PLEKHG4B: variants seen among roughly 807,000 people sequenced by gnomAD.
The protein encoded by PLEKHG4B is pleckstrin homology and RhoGEF domain containing G4B.
A neutral mutation model predicts 121.3 loss-of-function variants in PLEKHG4B; 111 were observed. That is an observed-to-expected ratio of 0.92 (90% CI 0.78 to 1.07). The LOEUF is 1.07. PLEKHG4B is among the 50% of genes least tolerant of loss of function. The probability of loss-of-function intolerance (pLI) is 0.00; values close to 1 mark genes in which losing one functional copy is unlikely to be tolerated. For synonymous variants in PLEKHG4B, 738 were observed against 725.0 expected (o/e 1.02, Z -0.29); for missense variants, 1,831 against 1,757.8 (o/e 1.04, Z -0.74).
intron 13 of PLEKHG4B, among the ~76,000 whole-genome samples, chr5:165,667 G>T (rs1579316126): frequency 2.4e-5 from 1 of 42,400 alleles, no homozygotes; most frequent in South Asian, 1.0e-3. Flanking sequence ...CTAATGCTCT[G>T]ACGGGGCGGG....
intron 7 of PLEKHG4B, among the ~76,000 whole-genome samples, chr5:153,494 A>G (rs6884461): frequency 0.07 from 10,669 of 152,132 alleles, 643 homozygotes; most frequent in African/African-American, 0.17. Flanking sequence ...GTCTTCCCCC[A>G]TGTATGCACG....
At position 162,968 on chromosome 5, in the gene PLEKHG4B, AG is replaced by A; in HGVS notation, c.2897del (p.Ser966ThrfsTer19). The A allele has an allele frequency of 7.0e-6, 11 of 1,564,482 alleles. No individual in the cohort carries two copies. The highest frequency in any genetic ancestry group is 9.5e-6 in the Non-Finnish European group (11 of 1,154,952). On this transcript the variant is annotated frameshift_variant, in exon 13 of 20. Coordinates refer to ENST00000637938, the MANE Select transcript of PLEKHG4B (RefSeq NM_052909.5). LOFTEE classifies it high-confidence loss of function. The stretch of plus-strand genomic sequence containing the variant: ...CCTTTCTGAGGCTGCCCCAGACCCC[AG>A]CTTACCGCCCCTTGCCCAGAGCCCC... ...EALSEAAPDP[S>X]LPPLAQSPPK...
At chr5:96,502 G>A in intron 1 of PLEKHG4B, among the ~76,000 whole-genome samples, 1 of 152,264 alleles carries the variant, frequency 6.6e-6, no homozygotes, top group South Asian at 2.1e-4. Context: ...ATATTTTAAA[G>A]AAGTGTTTTG....
rs1199679235 is a variant in PLEKHG4B, at chr5:139,076, C to T, written c.244-407C>T. ...CGGGAGTGCAGAGGAGGGAGCCCCC[C>T]ATAGGGTGGCCCTGACCAGGGCTGG... On this transcript the variant is annotated intron_variant, in intron 2 of 19. Transcript: ENST00000637938. This position sits in a 1 kb window ranked among gnomAD's most constrained non-coding sequence, Gnocchi z 5.0. 6.6e-6 allele frequency among the ~76,000 whole-genome samples: 1 copy of T among 152,214 alleles called. No individual in the cohort carries two copies. Among genetic ancestry groups the T allele is most frequent in the Non-Finnish European group, 1.5e-5 (1 of 68,034 alleles).
chr5:152,205 C>CT (rs770422898), intron 7 of PLEKHG4B, among the ~76,000 whole-genome samples: 1,699 of 140,732 alleles, frequency 0.012, 29 homozygotes, highest in African/African-American at 0.039. Flanking sequence ...TTCTTTCTGT[C>CT]TTTTTTTTTT....
chr5:117,815 T>C (rs887368929), intron 2 of PLEKHG4B, among the ~76,000 whole-genome samples: 3 of 152,116 alleles, frequency 2.0e-5, no homozygotes, highest in African/African-American at 7.2e-5. Context: ...ATTGTGCCAC[T>C]ACACTCCATC....
At chr5:138,884 T>C (rs1200717395) in intron 2 of PLEKHG4B, among the ~76,000 whole-genome samples, 4 of 152,234 alleles carry the variant, frequency 2.6e-5, no homozygotes, top group Non-Finnish European at 2.9e-5. Flanking sequence ...TGAAATCACA[T>C]TGGGTGAAAA....
rs1735010837 is a variant in PLEKHG4B, at chr5:137,281, A to G, written c.244-2202A>G. ...GCAGGGGAATGGTGAGCTGGTGTTT[A>G]ATGGGTTCACCGTTTCAGTTTGGGA... On this transcript the variant is annotated intron_variant, in intron 2 of 19. Transcript: ENST00000637938. This position sits in a 1 kb window ranked among gnomAD's most constrained non-coding sequence, Gnocchi z 4.2. 6.6e-6 allele frequency among the ~76,000 whole-genome samples: 1 copy of G among 152,184 alleles called. No homozygotes were observed. The highest frequency in any genetic ancestry group is 2.1e-4 in the South Asian group (1 of 4,828).
In PLEKHG4B at chr5:188,937, G is replaced by C. The variant is rs901534789; in HGVS notation, c.*6614G>C. On this transcript the variant is annotated 3_prime_UTR_variant, in exon 20 of 20. Transcript: ENST00000637938. ...AGGGGCCAGCGGGTCCTAGGGAGAG[G>C]CCCGTGCGACGTGAGTAACAGCAGT... The C allele has an allele frequency of 1.2e-4, 19 of 152,278 alleles. No individual in the cohort carries two copies. The highest frequency in any genetic ancestry group is 9.2e-4 in the Admixed American group (14 of 15,294). The allele number at this position is 152,278 out of a possible 1,614,324, so 9.4% of individuals were successfully genotyped here. A position where few individuals can be genotyped will look rare whatever the true frequency, so the allele number is the denominator to read the frequency against.
Position 162,760 on chromosome 5 carries a change from T to C in PLEKHG4B, c.2688T>C (p.Cys896=), listed in dbSNP as rs375277161. ...TGGGGCCCCTGGACCCGGAGGCTTG[T>C]CCCTCCTCACCCGTGGCTGAGTGTT... is the stretch of plus-strand genomic sequence containing the variant. ...SWMGPLDPEA[C]PSSPVAECLR... is the part of the protein sequence containing the mutation. Residue 896 remains cysteine, a synonymous_variant, in exon 13 of 20, where the codon TGT becomes TGC. Coordinates refer to ENST00000637938, the MANE Select transcript of PLEKHG4B (RefSeq NM_052909.5). 4 of 1,469,416 alleles carry C rather than the reference T, an allele frequency of 2.7e-6. No individual in the cohort carries two copies. The highest frequency in any genetic ancestry group is 3.6e-6 in the Non-Finnish European group (4 of 1,110,194). 91.0% of individuals were successfully genotyped at this position (1,469,416 alleles called of 1,614,324 possible).
At chr5:174,956 C>T (rs4956989) in intron 18 of PLEKHG4B, among the ~76,000 whole-genome samples, 85,757 of 151,812 alleles carry the variant, frequency 0.56, 25,754 homozygotes, top group Non-Finnish European at 0.68. Context: ...ATTTTCTTCC[C>T]CATGGGCACC....
rs764802862 is a variant in PLEKHG4B at position 143,237 on chromosome 5, C to T, written c.1668C>T (p.Ser556=). Residue 556 remains serine (S), a synonymous_variant, in exon 4 of 20, where the codon TCC becomes TCT. Transcript: ENST00000637938. The stretch of plus-strand genomic sequence containing the variant: ...ACGTCAGTCAGGAGCTGCTGCAGTC[C>T]GGGGTCGTCACCCTCCCAGGTGAGA... The part of the protein sequence containing the change: ...VLDVSQELLQ[S]GVVTLPGTRD... 12 of 1,610,208 alleles carry T rather than the reference C, an allele frequency of 7.5e-6. No homozygotes were observed. Among genetic ancestry groups the T allele is most frequent in the Admixed American group, 1.7e-5 (1 of 60,000 alleles).
intron 13 of PLEKHG4B, among the ~76,000 whole-genome samples, chr5:167,234 A>G (rs73016626): frequency 1.3e-5 from 2 of 152,358 alleles, no homozygotes; most frequent in African/African-American, 4.8e-5. Context: ...TGTGAGGGCC[A>G]GTTCCTGACC....
intron 2 of PLEKHG4B, among the ~76,000 whole-genome samples, chr5:118,738 A>G (rs2126364848): frequency 6.6e-6 from 1 of 152,182 alleles, no homozygotes; most frequent in Admixed American, 6.5e-5. Context: ...TAGGGTAATA[A>G]TACCTCTCAG....
rs1304166041 is a variant in PLEKHG4B at position 157,628 on chromosome 5, C to T, written c.2487+717C>T. Among the ~76,000 whole-genome samples, 1 of 152,164 alleles carries T rather than the reference C, an allele frequency of 6.6e-6. No homozygotes were observed. The highest frequency in any genetic ancestry group is 1.5e-5 in the Non-Finnish European group (1 of 68,032). Reference sequence around the variant, plus strand: ...TCGGGGGGCACCAGCGAAATGATTGCTTAGCTCAGGGGTGCAGATGATGCT... The same window carrying T: ...TCGGGGGGCACCAGCGAAATGATTGTTTAGCTCAGGGGTGCAGATGATGCT... On this transcript the variant is annotated intron_variant, in intron 11 of 19. Transcript: ENST00000637938. This position sits in a 1 kb window ranked among gnomAD's most constrained non-coding sequence, Gnocchi z 4.6.
chr5:114,258 C>CGA (rs1451949017), intron 2 of PLEKHG4B, among the ~76,000 whole-genome samples: 25 of 152,258 alleles, frequency 1.6e-4, no homozygotes, highest in African/African-American at 6.0e-4. Flanking sequence ...TCCACATTGA[C>CGA]TCTTCCTTTT....
intron 16 of PLEKHG4B, 91 bp from the exon 17 acceptor site, chr5:172,806 G>C (rs1435422495): frequency 7.0e-7 from 1 of 1,429,682 alleles, no homozygotes; most frequent in Non-Finnish European, 9.8e-7. Flanking sequence ...GTCTTGTCAC[G>C]AAGCTAACAC....
In PLEKHG4B at chr5:189,412, T is replaced by C. The variant is rs1733722617; in HGVS notation, c.*7089T>C. The C allele has an allele frequency of 1.3e-5, 2 of 152,332 alleles. No individual in the cohort carries two copies. Among genetic ancestry groups the C allele is most frequent in the Non-Finnish European group, 2.9e-5 (2 of 68,128 alleles). The allele number at this position is 152,332 out of a possible 1,614,324, so 9.4% of individuals were successfully genotyped here. Reference sequence around the variant, plus strand: ...GACCAGTGAAGGCCAGTGGGCTGGGTGGTCCAGGCATGTCCCCAACGCAGG... The same window carrying C: ...GACCAGTGAAGGCCAGTGGGCTGGGCGGTCCAGGCATGTCCCCAACGCAGG... On this transcript the variant is annotated 3_prime_UTR_variant, in exon 20 of 20. Transcript: ENST00000637938.
At position 157,766 on chromosome 5, in the gene PLEKHG4B, A is replaced by G. The variant is rs557147449; in HGVS notation, c.2487+855A>G. On this transcript the variant is annotated intron_variant, in intron 11 of 19. Coordinates refer to ENST00000637938, the MANE Select transcript of PLEKHG4B (RefSeq NM_052909.5). The surrounding 1 kb of genome is among the most constrained non-coding windows in gnomAD (Gnocchi z 4.6). Reference sequence around the variant, plus strand: ...CTCTTCAAAACTTGCACATTTTTATATAAATCCTTATTATTTTATCAACAA... The same window carrying G: ...CTCTTCAAAACTTGCACATTTTTATGTAAATCCTTATTATTTTATCAACAA... Among the ~76,000 whole-genome samples the G allele has an allele frequency of 3.2e-4, 49 of 152,198 alleles. No homozygotes were observed. Among genetic ancestry groups the G allele is most frequent in the Non-Finnish European group, 5.9e-4 (40 of 68,030 alleles).
Sources: gnomAD v4.1 joint callset for allele counts (sites outside exome capture counted in the v4.1 genomes callset) on GRCh38, gnomAD v4.1.1 for gene constraint, Gnocchi (gnomAD v3.1) non-coding constraint, MANE v1.5 for transcripts, NCBI Gene and HGNC (gene_info 2026-07-23, HGNC 2026-07-21) for gene names.